KAZN: variants seen among roughly 807,000 people sequenced by gnomAD.
The protein encoded by KAZN is kazrin, periplakin interacting protein.
KAZN carries 40 observed loss-of-function variants against 87.4 expected under a neutral mutation model. That is an observed-to-expected ratio of 0.46 (90% CI 0.36 to 0.60). The LOEUF (loss-of-function observed/expected upper bound fraction) is 0.60, where lower values mean the gene tolerates loss of function less well. KAZN is among the 20% of genes least tolerant of loss of function. The pLI, the probability that KAZN is intolerant of heterozygous loss-of-function variation, is 0.00. For synonymous variants in KAZN, 466 were observed against 458.3 expected (o/e 1.02, Z -0.22); for missense variants, 898 against 1,073.9 (o/e 0.84, Z 2.29).
chr1:14,481,424 G>GAAA (rs76140764), intron 2 of KAZN, among the ~76,000 whole-genome samples: 25 of 151,478 alleles, frequency 1.7e-4, no homozygotes, highest in Non-Finnish European at 2.2e-4. Context: ...CAATTTTCTA[G>GAAA]AAAAAAAACT....
chr1:13,944,675 A>G (rs957189897), intron 1 of KAZN, among the ~76,000 whole-genome samples: 1 of 152,222 alleles, frequency 6.6e-6, no homozygotes, highest in Non-Finnish European at 1.5e-5. Flanking sequence ...AGACTGTAAT[A>G]AGTCAAGGAT....
chr1:14,511,463 A>T (rs1317592458), intron 2 of KAZN, among the ~76,000 whole-genome samples: 2 of 152,246 alleles, frequency 1.3e-5, no homozygotes, highest in Non-Finnish European at 2.9e-5. Flanking sequence ...AGTATGGCAG[A>T]ACTAAACAAA....
chr1:14,519,298 C>A (rs558607216), intron 2 of KAZN, among the ~76,000 whole-genome samples: 2 of 152,274 alleles, frequency 1.3e-5, no homozygotes, highest in African/African-American at 4.8e-5. Flanking sequence ...AAGAAAGCAA[C>A]CCTCTGCTTT....
At chr1:14,500,050 A>G (rs1234897960) in intron 2 of KAZN, among the ~76,000 whole-genome samples, 1 of 152,254 alleles carries the variant, frequency 6.6e-6, no homozygotes, top group Admixed American at 6.5e-5. Flanking sequence ...AAGTTGCATT[A>G]TATGTCTTTA....
intron 1 of KAZN, among the ~76,000 whole-genome samples, chr1:14,777,367 G>A (rs1050160221): frequency 2.0e-5 from 3 of 152,108 alleles, no homozygotes; most frequent in Non-Finnish European, 2.9e-5. Flanking sequence ...CTCATGATAC[G>A]TAGCTAATGA....
intron 2 of KAZN, among the ~76,000 whole-genome samples, chr1:14,528,330 T>G (rs370631705): frequency 1.5e-4 from 11 of 72,806 alleles, no homozygotes; most frequent in African/African-American, 6.6e-4. Context: ...AGAGCAAGAC[T>G]CCATCTCAAA....
intron 2 of KAZN, among the ~76,000 whole-genome samples, chr1:14,441,289 C>A (rs1666689730): frequency 6.6e-6 from 1 of 151,774 alleles, no homozygotes; most frequent in African/African-American, 2.4e-5. Flanking sequence ...ATATTTTAAA[C>A]CCTGAAACTA....
intron 1 of KAZN, among the ~76,000 whole-genome samples, chr1:14,830,285 T>C (rs1162660756): frequency 6.6e-6 from 1 of 152,134 alleles, no homozygotes; most frequent in Non-Finnish European, 1.5e-5. Context: ...TCTATAAACC[T>C]TGGGCCAGAG....
At position 13,966,802 on chromosome 1, in the gene KAZN, G is replaced by T. The variant is rs544855953; in HGVS notation, c.91+73046G>T. ...TAATTTTTTATATTGGTTACTTGTTGACCTGGTTGTTTTTTGATATATTAC... is the reference window on the plus strand; with the variant it reads ...TAATTTTTTATATTGGTTACTTGTTTACCTGGTTGTTTTTTGATATATTAC... On this transcript the variant is annotated intron_variant, in intron 1 of 16. Coordinates refer to the KAZN transcript ENST00000636203. Among the ~76,000 whole-genome samples the T allele has an allele frequency of 2.6e-5, 4 of 152,302 alleles. 1 individual carries two copies. In the South Asian group the frequency reaches 8.3e-4, roughly 32 times the overall value.
chr1:14,776,317 T>C (rs556497086), intron 1 of KAZN, among the ~76,000 whole-genome samples: 48 of 152,286 alleles, frequency 3.2e-4, no homozygotes, highest in Non-Finnish European at 4.9e-4. Context: ...GTTGTGGGAT[T>C]TAGGAAGTGG....
intron 1 of KAZN, among the ~76,000 whole-genome samples, chr1:14,015,651 C>T (rs1640537614): frequency 6.7e-6 from 1 of 148,222 alleles, no homozygotes; most frequent in Non-Finnish European, 1.5e-5. Flanking sequence ...CAGCTCACAC[C>T]TGTAATCCCA....
At chr1:14,573,355 G>C (rs1373513662) in intron 2 of KAZN, among the ~76,000 whole-genome samples, 1 of 152,104 alleles carries the variant, frequency 6.6e-6, no homozygotes, top group Non-Finnish European at 1.5e-5. Flanking sequence ...GGAAGCATTA[G>C]AATACACTAA....
At chr1:13,934,825 T>C (rs1640659138) in intron 1 of KAZN, among the ~76,000 whole-genome samples, 1 of 152,210 alleles carries the variant, frequency 6.6e-6, no homozygotes, top group Non-Finnish European at 1.5e-5. Context: ...GACTGAGAGC[T>C]CTTTGAAGGT....
At chr1:14,598,000 A>G (rs557160834), upstream of KAZN, among the ~76,000 whole-genome samples, 167 of 152,286 alleles carry the variant, frequency 1.1e-3, 1 homozygote, top group Middle Eastern at 6.8e-3. Context: ...CTTCCTTCTT[A>G]TCTCTCAACC....
At chr1:15,046,482 T>C (rs1280158278) in intron 4 of KAZN, among the ~76,000 whole-genome samples, 1 of 152,036 alleles carries the variant, frequency 6.6e-6, no homozygotes, top group Non-Finnish European at 1.5e-5. Flanking sequence ...CCGCCGATAA[T>C]CAGACCCACG....
intron 2 of KAZN, among the ~76,000 whole-genome samples, chr1:14,292,529 A>C (rs116166842): frequency 1.3e-5 from 2 of 152,154 alleles, no homozygotes; most frequent in Non-Finnish European, 2.9e-5. Context: ...GGATTGATCC[A>C]TGTCCAGGGA....
chr1:15,103,309 C>A, intron 11 of KAZN, 50 bp from the exon 12 acceptor site: 1 of 1,390,912 alleles, frequency 7.2e-7, no homozygotes, highest in Non-Finnish European at 1.0e-6. Flanking sequence ...CCACACGTGG[C>A]CTCTGCGTGT....
Position 14,121,239 on chromosome 1 carries a change from G to A in KAZN, c.92-59196G>A, listed in dbSNP as rs113800070. 2.8e-3 allele frequency among the ~76,000 whole-genome samples: 432 copies of A among 152,268 alleles called. 9 individuals are homozygous for A. In the East Asian group the frequency reaches 0.05, roughly 18 times the overall value. On this transcript the variant is annotated intron_variant, in intron 1 of 16. Coordinates refer to the KAZN transcript ENST00000636203. The stretch of plus-strand genomic sequence containing the variant: ...AGGCATTCAGAAAATGGTTAACCAG[G>A]GAAAGGTGTGATATGCAAACCTTCC...
At chr1:14,330,292 T>C (rs1656752204) in intron 2 of KAZN, among the ~76,000 whole-genome samples, 1 of 152,204 alleles carries the variant, frequency 6.6e-6, no homozygotes, top group Non-Finnish European at 1.5e-5. Flanking sequence ...AATAAGCTAC[T>C]GCCCATTTCT....
Sources: allele counts gnomAD v4.1 joint callset (sites outside exome capture counted in the v4.1 genomes callset), GRCh38; gene constraint gnomAD v4.1.1; transcripts MANE v1.5; gene names NCBI Gene and HGNC (gene_info 2026-07-23, HGNC 2026-07-21).